Variants in AGXT observed in about 807,000 individuals in gnomAD.
The protein encoded by AGXT is alanine--glyoxylate aminotransferase, also known as L-alanine: glyoxylate aminotransferase 1.
Under a neutral mutation model 46.9 loss-of-function variants are expected in AGXT, and 41 were observed. That is an observed-to-expected ratio of 0.88 (90% CI 0.68 to 1.14). The LOEUF (loss-of-function observed/expected upper bound fraction) is 1.14, where lower values mean the gene tolerates loss of function less well. Among genes scored for constraint, AGXT ranks in the 50% most tolerant of loss-of-function variants. The pLI is 0.00. For synonymous variants in AGXT, 244 were observed against 227.9 expected, an observed-to-expected ratio of 1.07 and a Z score of -0.64; for missense variants, 525 against 522.7, an observed-to-expected ratio of 1.00 and a Z score of -0.04.
rs927312483 is a variant in AGXT, at chr2:240,875,344, G to T, written c.776+140G>T. The stretch of plus-strand genomic sequence containing the variant: ...AACCCCAACTAGAGCCCCAGAATCC[G>T]CCTGCATCAGGCAGTCAAATGCCCC... On this transcript the variant is annotated intron_variant, in intron 7 of 10. Coordinates refer to ENST00000307503, the MANE Select transcript of AGXT (RefSeq NM_000030.3). 2.3e-5 allele frequency: 17 copies of T among 726,804 alleles called. 1 individual carries two copies. Among genetic ancestry groups the T allele is most frequent in the Non-Finnish European group, 3.7e-5 (16 of 432,112 alleles). The allele number at this position is 726,804 out of a possible 1,614,324, so 45.0% of individuals were successfully genotyped here. A position where few individuals can be genotyped will look rare whatever the true frequency, so the allele number is the denominator to read the frequency against.
At position 240,880,140 on chromosome 2, in the gene AGXT, T is replaced by G. The variant is rs1429025250; in HGVS notation, c.*1319T>G. The G allele has an allele frequency of 6.6e-6, 1 of 152,200 alleles. No individual in the cohort carries two copies. The highest frequency in any genetic ancestry group is 1.9e-4 in the East Asian group (1 of 5,192). 9.4% of individuals were successfully genotyped at this position (152,200 alleles called of 1,614,324 possible). Reference sequence around the variant, plus strand: ...GCCATATATTTTCATTTTTCTTGGATAAATAACTAGGAGTGGAATTGCAGG... The same window carrying G: ...GCCATATATTTTCATTTTTCTTGGAGAAATAACTAGGAGTGGAATTGCAGG... On this transcript the variant is annotated 3_prime_UTR_variant, in exon 11 of 11. Coordinates refer to ENST00000307503, the MANE Select transcript of AGXT (RefSeq NM_000030.3).
intron 5 of AGXT, chr2:240,873,337 G>C (rs1200741570): frequency 4.6e-6 from 2 of 438,828 alleles, no homozygotes; most frequent in African/African-American, 2.0e-5. Context: ...AGAAGCAGTG[G>C]GAAGAGGAAG....
chr2:240,873,112 G>A, intron 5 of AGXT, 63 bp downstream of exon 5: 1 of 1,444,798 alleles, frequency 6.9e-7, no homozygotes, highest in Non-Finnish European at 9.7e-7. Context: ...CGTGCAGGAA[G>A]CCCTGCTGGA....
chr2:240,873,871 C>T (rs1559569813), intron 5 of AGXT, 107 bp from the exon 6 acceptor site: 2 of 992,790 alleles, frequency 2.0e-6, no homozygotes, highest in Non-Finnish European at 3.2e-6. Flanking sequence ...TGTACGGATT[C>T]GTGGTAGGGT....
intron 3 of AGXT, 173 bp from the exon 4 acceptor site, chr2:240,871,176 C>G (rs2058988447): frequency 1.5e-6 from 1 of 658,034 alleles, no homozygotes; most frequent in South Asian, 1.7e-5. Flanking sequence ...TGGAAAAGCC[C>G]TTGTCCCGGA....
chr2:240,873,264 G>A (rs960574835), intron 5 of AGXT: 5 of 570,786 alleles, frequency 8.8e-6, no homozygotes, highest in East Asian at 2.9e-5. Context: ...AGATCCAGGC[G>A]TGGGGACTGG....
In AGXT at chr2:240,871,353, T is replaced by C; in HGVS notation, c.428T>C (p.Leu143Pro). ...HYTLQEVEEG[L>P]AQHKPVLLFL... is the part of the protein sequence containing the mutation. ...CAGCCGTCCCTGCTTCCTCAGGGCC[T>C]GGCCCAGCACAAGCCAGTGCTGCTG... Residue 143 changes from leucine (L) to proline (P), a missense_variant, in exon 4 of 11, where the codon CTG becomes CCG. Coordinates refer to ENST00000307503, the MANE Select transcript of AGXT (RefSeq NM_000030.3). The C allele has an allele frequency of 6.3e-7, 1 of 1,578,510 alleles. No individual in the cohort carries two copies. Among genetic ancestry groups the C allele is most frequent in the Non-Finnish European group, 8.6e-7 (1 of 1,162,984 alleles).
intron 7 of AGXT, among the ~76,000 whole-genome samples, chr2:240,875,596 G>T (rs977473139): frequency 6.6e-6 from 1 of 152,246 alleles, no homozygotes; most frequent in African/African-American, 2.4e-5. Context: ...GGAACAAGGC[G>T]CCAGGAATGG....
chr2:240,872,357 AG>A (rs1559569239), intron 4 of AGXT, among the ~76,000 whole-genome samples: 6 of 43,946 alleles, frequency 1.4e-4, no homozygotes, highest in South Asian at 5.5e-4. Flanking sequence ...GTGAACATGC[AG>A]GCGGAGGAGG....
intron 1 of AGXT, 30 bp downstream of exon 1, chr2:240,869,060 G>T (rs771383960): frequency 1.2e-6 from 2 of 1,610,810 alleles, no homozygotes; most frequent in South Asian, 1.1e-5. Context: ...GGGGGGCCTG[G>T]GTCTCACCCA....
chr2:240,873,997 G>A lies in AGXT; in HGVS notation c.615G>A (p.Ser205=), dbSNP rs767265467. The change falls in exon 6 of 11, where the codon TCG becomes TCA. Residue 205 remains serine (S), a synonymous_variant. Transcript: ENST00000307503. ...MDRQGIDILY[S]GSQKALNAPP... ...CTACAGGCATCGACATCCTGTACTC[G>A]GGCTCCCAGAAGGCCCTGAACGCCC... The A allele has an allele frequency of 1.4e-5, 23 of 1,613,512 alleles. No homozygotes were observed. Among genetic ancestry groups the A allele is most frequent in the South Asian group, 3.3e-5 (3 of 91,074 alleles).
chr2:240,875,304 C>G, intron 7 of AGXT, 100 bp downstream of exon 7: 1 of 1,030,622 alleles, frequency 9.7e-7, no homozygotes, highest in Admixed American at 2.0e-5. Context: ...AAGCCCCCCA[C>G]CTTCATGCCT....
At chr2:240,872,537 G>A (rs1302028002) in intron 4 of AGXT, among the ~76,000 whole-genome samples, 1 of 152,062 alleles carries the variant, frequency 6.6e-6, no homozygotes, top group Non-Finnish European at 1.5e-5. Flanking sequence ...CTGGGACTCT[G>A]TCCCCTCTGG....
intron 4 of AGXT, among the ~76,000 whole-genome samples, chr2:240,871,797 C>T (rs1245223471): frequency 6.6e-6 from 1 of 152,242 alleles, no homozygotes; most frequent in Non-Finnish European, 1.5e-5. Context: ...CTGATGCCCT[C>T]CACTTCCCTC....
At chr2:240,869,720 G>A (rs2058981323) in intron 2 of AGXT, among the ~76,000 whole-genome samples, 2 of 152,312 alleles carry the variant, frequency 1.3e-5, no homozygotes, top group African/African-American at 4.8e-5. Context: ...TTTGTGACAG[G>A]GTGGGGTTTC....
At chr2:240,871,662 C>A (rs1456048805) in intron 4 of AGXT, among the ~76,000 whole-genome samples, 1 of 152,186 alleles carries the variant, frequency 6.6e-6, no homozygotes, top group Non-Finnish European at 1.5e-5. Flanking sequence ...TGCTCCCTGG[C>A]CGAGCGCCCC....
rs574631040 is a variant in AGXT, at chr2:240,879,952, G to A, written c.*1131G>A. On this transcript the variant is annotated 3_prime_UTR_variant, in exon 11 of 11. Transcript: ENST00000307503. Reference sequence around the variant, plus strand: ...CTGAGTGCCGTCCCGTCATATGGACGTGCGTCGTGGGCGCCGGTGTGTCTT... The same window carrying A: ...CTGAGTGCCGTCCCGTCATATGGACATGCGTCGTGGGCGCCGGTGTGTCTT... 5.3e-5 allele frequency: 8 copies of A among 151,232 alleles called. No individual in the cohort carries two copies. The highest frequency in any genetic ancestry group is 2.1e-4 in the South Asian group (1 of 4,752). The allele number at this position is 151,232 out of a possible 1,614,324, so 9.4% of individuals were successfully genotyped here.
chr2:240,873,335 T>C (rs1255782872), intron 5 of AGXT: 4 of 443,278 alleles, frequency 9.0e-6, no homozygotes, highest in Admixed American at 3.5e-5. Flanking sequence ...GCAGAAGCAG[T>C]GGGAAGAGGA....
intron 2 of AGXT, among the ~76,000 whole-genome samples, chr2:240,869,922 AC>A (rs2058982213): frequency 6.6e-6 from 1 of 152,198 alleles, no homozygotes; most frequent in African/African-American, 2.4e-5. Flanking sequence ...GGTGAGCTCC[AC>A]AATGGCCATG....
Sources: allele counts gnomAD v4.1 joint callset (sites outside exome capture counted in the v4.1 genomes callset), GRCh38; gene constraint gnomAD v4.1.1; transcripts MANE v1.5; gene names NCBI Gene and HGNC (gene_info 2026-07-23, HGNC 2026-07-21).